CACNA1A: variants seen among roughly 807,000 people sequenced by gnomAD.
CACNA1A encodes calcium voltage-gated channel subunit alpha1 A, also known as voltage-dependent P/Q-type calcium channel subunit alpha-1A.
In CACNA1A, 57 loss-of-function variants were observed where a neutral mutation model predicts 262.4. The observed-to-expected ratio is 0.22, with a 90% confidence interval of 0.18 to 0.27. The LOEUF (loss-of-function observed/expected upper bound fraction) is 0.27. Among genes scored for constraint, CACNA1A ranks in the 10% least tolerant of loss-of-function variants. The pLI is 1.00. For synonymous variants in CACNA1A, 1,431 were observed against 1,419.3 expected (o/e 1.01, Z -0.18); for missense variants, 2,526 against 3,562.8 (o/e 0.71, Z 7.41).
At chr19:13,365,292 G>T (rs1270976791) in intron 5 of CACNA1A, 25 bp downstream of exon 5, 1 of 1,589,494 alleles carries the variant, frequency 6.3e-7, no homozygotes. Context: ...AAACTGGAAA[G>T]ATGCATCATG....
chr19:13,432,005 T>C (rs1246989570), intron 3 of CACNA1A, among the ~76,000 whole-genome samples: 2 of 146,894 alleles, frequency 1.4e-5, no homozygotes, highest in Non-Finnish European at 3.0e-5. Context: ...CTCAGGAGGC[T>C]GAGGCAGGAG....
At chr19:13,242,850 C>T (rs118003403) in intron 31 of CACNA1A, among the ~76,000 whole-genome samples, 1,691 of 152,252 alleles carry the variant, frequency 0.011, 10 homozygotes, top group Non-Finnish European at 0.015. Flanking sequence ...GAAGAGATAG[C>T]GCAAGTTGTC....
At chr19:13,304,206 C>T (rs1015397490) in intron 15 of CACNA1A, among the ~76,000 whole-genome samples, 1 of 152,004 alleles carries the variant, frequency 6.6e-6, no homozygotes, top group African/African-American at 2.4e-5. Context: ...CTAAATTGTG[C>T]CCGCCTCCAA....
chr19:13,208,017 T>C lies in CACNA1A; in HGVS notation c.6817A>G (p.Thr2273Ala). The change falls in exon 47 of 47, where the codon ACA becomes GCA. Residue 2273 changes from threonine (T) to alanine (A), a missense_variant. Coordinates refer to ENST00000360228, the MANE Select transcript of CACNA1A (RefSeq NM_001127222.2). Reference protein sequence around the residue: ...SSVSGSPAPSTSGTSTPRRGR... With the variant: ...SSVSGSPAPSASGTSTPRRGR... Reference sequence around the variant, plus strand: ...CGCCGCGGAGTGCTGGTACCAGATGTTGAGGGGGCTGGGCTTCCACTTACG... The same window carrying C: ...CGCCGCGGAGTGCTGGTACCAGATGCTGAGGGGGCTGGGCTTCCACTTACG... 7 of 1,312,842 alleles carry C rather than the reference T, an allele frequency of 5.3e-6. No homozygotes were observed. The highest frequency in any genetic ancestry group is 6.8e-6 in the Non-Finnish European group (7 of 1,035,970). The allele number at this position is 1,312,842 out of a possible 1,614,324, so 81.3% of individuals were successfully genotyped here.
intron 24 of CACNA1A, 136 bp downstream of exon 24, chr19:13,275,714 T>C: frequency 1.5e-6 from 1 of 688,986 alleles, no homozygotes. Context: ...CCTGGTGGCA[T>C]GCTGATATCT....
intron 36 of CACNA1A, chr19:13,228,981 G>A (rs1042733098): frequency 1.1e-5 from 4 of 373,190 alleles, no homozygotes; most frequent in Admixed American, 5.1e-5. Flanking sequence ...TAGGATGTCA[G>A]TCGAGTTCGG....
At chr19:13,330,425 C>T (rs1476477318) in intron 9 of CACNA1A, 92 bp from the exon 10 acceptor site, 12 of 897,832 alleles carry the variant, frequency 1.3e-5, no homozygotes, top group Non-Finnish European at 2.0e-5. Context: ...ATTTAACTCT[C>T]ACGGCAACTG....
At chr19:13,500,955 A>G (rs1340801009) in intron 1 of CACNA1A, among the ~76,000 whole-genome samples, 1 of 152,102 alleles carries the variant, frequency 6.6e-6, no homozygotes, top group Non-Finnish European at 1.5e-5. Context: ...GTGAAATTAC[A>G]TTTATATGAC....
Position 13,228,790 on chromosome 19 carries a change from C to A in CACNA1A, c.5529-1263G>T, listed in dbSNP as rs770936656. ...ACTGTACATATCCTTATAATGAATCCGACCGCTGAAAGGAGAAGAAAGGGG... is the reference window on the plus strand; with the variant it reads ...ACTGTACATATCCTTATAATGAATCAGACCGCTGAAAGGAGAAGAAAGGGG... On this transcript the variant is annotated intron_variant, in intron 36 of 46. Transcript: ENST00000360228. 6.3e-7 allele frequency: 1 copy of A among 1,579,892 alleles called. No individual in the cohort carries two copies. Among genetic ancestry groups the A allele is most frequent in the Admixed American group, 1.7e-5 (1 of 57,518 alleles).
chr19:13,291,078 AG>A (rs1270968099), intron 19 of CACNA1A, among the ~76,000 whole-genome samples: 1 of 152,132 alleles, frequency 6.6e-6, no homozygotes, highest in East Asian at 1.9e-4. Context: ...AGAACTCAAA[AG>A]GGGCAGAAAA....
At chr19:13,300,213 C>T (rs1045888617) in intron 18 of CACNA1A, among the ~76,000 whole-genome samples, 15 of 152,246 alleles carry the variant, frequency 9.9e-5, no homozygotes, top group Non-Finnish European at 1.5e-4. Flanking sequence ...TTTCCCTCCC[C>T]TACTTTCTCT....
In CACNA1A at chr19:13,277,119, A is replaced by G. The variant is rs1362956353; in HGVS notation, c.3832T>C (p.Tyr1278His). The stretch of plus-strand genomic sequence containing the variant: ...ACGCCTGTAAAAACGTAGTCAAAGT[A>G]TCGCAGCACCTGTAAGGGATAAAAG... ...PNAPRNNVLR[Y>H]FDYVFTGVFT... Residue 1278 changes from tyrosine to histidine, a missense_variant, in exon 23 of 47, where the codon TAC (tyrosine) becomes CAC (histidine). Physicochemically the swap from Tyr to His is moderately conservative, Grantham distance 83. Coordinates refer to ENST00000360228, the MANE Select transcript of CACNA1A (RefSeq NM_001127222.2). 2 of 1,611,972 alleles carry G rather than the reference A, an allele frequency of 1.2e-6. No individual in the cohort carries two copies. The highest frequency in any genetic ancestry group is 2.2e-5 in the East Asian group (1 of 44,856).
intron 3 of CACNA1A, among the ~76,000 whole-genome samples, chr19:13,376,875 T>C (rs933777364): frequency 1.4e-5 from 2 of 142,420 alleles, no homozygotes; most frequent in Admixed American, 1.4e-4. Context: ...GTGATATATA[T>C]AACACATGAT....
chr19:13,216,689 A>G (rs977031787), intron 38 of CACNA1A, among the ~76,000 whole-genome samples: 5 of 138,920 alleles, frequency 3.6e-5, no homozygotes, highest in Non-Finnish European at 6.3e-5. Context: ...CTATCTATCT[A>G]TCTATCTATC....
intron 3 of CACNA1A, among the ~76,000 whole-genome samples, chr19:13,421,208 T>TG (rs1473835476): frequency 5.9e-5 from 9 of 152,352 alleles, no homozygotes; most frequent in African/African-American, 1.9e-4. Flanking sequence ...CCTGCCAACC[T>TG]GCATGGCTAA....
At chr19:13,261,358 GTC>G (rs2056730205) in intron 26 of CACNA1A, 90 bp downstream of exon 26, 2 of 1,121,410 alleles carry the variant, frequency 1.8e-6, no homozygotes, top group East Asian at 5.2e-5. Flanking sequence ...CACTTCTCCA[GTC>G]TCTGAGCCCA....
intron 15 of CACNA1A, among the ~76,000 whole-genome samples, chr19:13,304,659 CAAAAA>C (rs34159456): frequency 3.9e-5 from 4 of 103,442 alleles, no homozygotes; most frequent in South Asian, 3.1e-4. Context: ...ATTTTTGTCT[CAAAAA>C]AAAAAAAAAA....
At position 13,257,440 on chromosome 19, in the gene CACNA1A, G is replaced by A. The variant is rs2144748402; in HGVS notation, c.4500C>T (p.Phe1500=). ...YVVYFVVFPF[F]FVNIFVALII... is the part of the protein sequence containing the mutation. ...TCAAGGCCACAAAGATATTGACAAA[G>A]AAGAAGGGGAACACCACAAAGTAGA... Residue 1500 remains phenylalanine, a synonymous_variant, in exon 28 of 47, where the codon TTC becomes TTT. Transcript: ENST00000360228. 1 of 1,613,932 alleles carries A rather than the reference G, an allele frequency of 6.2e-7. No homozygotes were observed. The highest frequency in any genetic ancestry group is 8.5e-7 in the Non-Finnish European group (1 of 1,179,836).
chr19:13,406,510 T>TGA (rs1192401029), intron 3 of CACNA1A, among the ~76,000 whole-genome samples: 2 of 106,670 alleles, frequency 1.9e-5, no homozygotes, highest in African/African-American at 3.7e-5. Flanking sequence ...TATATATATA[T>TGA]ATGAAGGGAA....
Sources: allele counts gnomAD v4.1 joint callset (sites outside exome capture counted in the v4.1 genomes callset), GRCh38; gene constraint gnomAD v4.1.1; transcripts MANE v1.5; gene names NCBI Gene and HGNC (gene_info 2026-07-23, HGNC 2026-07-21).